ANKS1B: variants seen among roughly 807,000 people sequenced by gnomAD.
ANKS1B encodes the protein ankyrin repeat and sterile alpha motif domain containing 1B, also known as ankyrin repeat and sterile alpha motif domain-containing protein 1B.
ANKS1B carries 36 observed loss-of-function variants against 148.3 expected under a neutral mutation model. That is an observed-to-expected ratio of 0.24 (90% CI 0.19 to 0.32). The LOEUF (loss-of-function observed/expected upper bound fraction) is 0.32, where lower values mean the gene tolerates loss of function less well. ANKS1B is among the 10% of genes least tolerant of loss of function. The pLI, the probability that ANKS1B is intolerant of heterozygous loss-of-function variation, is 1.00. For synonymous variants in ANKS1B, 542 were observed against 560.8 expected, an observed-to-expected ratio of 0.97 and a Z score of 0.47; for missense variants, 1,157 against 1,542.6, an observed-to-expected ratio of 0.75 and a Z score of 4.19.
At chr12:99,100,134 G>T (rs2057509270) in intron 15 of ANKS1B, among the ~76,000 whole-genome samples, 1 of 152,174 alleles carries the variant, frequency 6.6e-6, no homozygotes, top group South Asian at 2.1e-4. Context: ...TTCCAAGTGG[G>T]TAGAAAAGGA....
chr12:99,643,897 T>C (rs2098333720), intron 9 of ANKS1B, among the ~76,000 whole-genome samples: 1 of 152,250 alleles, frequency 6.6e-6, no homozygotes, highest in Admixed American at 6.5e-5. Context: ...AAACAAGTTA[T>C]CTAGCCATGC....
intron 17 of ANKS1B, chr12:98,895,181 G>C: frequency 5.1e-6 from 5 of 985,102 alleles, no homozygotes; most frequent in Non-Finnish European, 6.0e-6. Context: ...CAGGCGCGGC[G>C]CGCGGGGGCT....
chr12:99,163,551 T>G (rs556068111), intron 14 of ANKS1B, among the ~76,000 whole-genome samples: 2 of 151,586 alleles, frequency 1.3e-5, no homozygotes, highest in African/African-American at 4.8e-5. Context: ...GTGGCCATCA[T>G]CACAGTCGAG....
chr12:99,676,064 T>G (rs2098566361), intron 8 of ANKS1B, among the ~76,000 whole-genome samples: 1 of 152,090 alleles, frequency 6.6e-6, no homozygotes, highest in African/African-American at 2.4e-5. Context: ...TCATGCAGTT[T>G]TTTGTGATAG....
intron 8 of ANKS1B, among the ~76,000 whole-genome samples, chr12:99,745,686 C>T (rs1407908577): frequency 6.6e-6 from 1 of 151,846 alleles, no homozygotes; most frequent in Non-Finnish European, 1.5e-5. Flanking sequence ...TTACAATTTA[C>T]AATTTAATTA....
intron 17 of ANKS1B, among the ~76,000 whole-genome samples, chr12:99,042,967 C>T (rs1379097168): frequency 6.6e-6 from 1 of 152,214 alleles, no homozygotes; most frequent in Non-Finnish European, 1.5e-5. Context: ...TAGGAGAAGA[C>T]CTTGTGTTCC....
intron 2 of ANKS1B, among the ~76,000 whole-genome samples, chr12:99,821,428 T>G (rs1358507671): frequency 1.3e-5 from 2 of 151,648 alleles, no homozygotes; most frequent in African/African-American, 4.8e-5. Flanking sequence ...TCTTAATGAT[T>G]GCTATTCAAT....
intron 12 of ANKS1B, among the ~76,000 whole-genome samples, chr12:99,312,871 G>A (rs1484185983): frequency 6.6e-6 from 1 of 152,036 alleles, no homozygotes; most frequent in Non-Finnish European, 1.5e-5. Context: ...AGCTAGAGAA[G>A]CAAGAGTAAA....
At chr12:99,280,928 T>TACAC (rs144380879) in intron 12 of ANKS1B, among the ~76,000 whole-genome samples, 65 of 147,474 alleles carry the variant, frequency 4.4e-4, no homozygotes, top group African/African-American at 1.4e-3. Flanking sequence ...CGTGCGCACA[T>TACAC]ACACACACAC....
chr12:99,463,436 G>A (rs1315951039), intron 10 of ANKS1B, among the ~76,000 whole-genome samples: 2 of 152,144 alleles, frequency 1.3e-5, no homozygotes, highest in South Asian at 2.1e-4. Flanking sequence ...CAGACAGTGG[G>A]TGCAGGACAG....
chr12:99,782,538 G>A (rs1005630454), intron 4 of ANKS1B, among the ~76,000 whole-genome samples: 1 of 152,170 alleles, frequency 6.6e-6, no homozygotes, highest in Admixed American at 6.5e-5. Flanking sequence ...CAACCTGGGT[G>A]ACAGAGTGGG....
At chr12:99,058,882 C>T (rs2041307974) in intron 16 of ANKS1B, among the ~76,000 whole-genome samples, 1 of 150,810 alleles carries the variant, frequency 6.6e-6, no homozygotes, top group Admixed American at 6.6e-5. Flanking sequence ...GGACTACAGG[C>T]GCCCGCTACC....
intron 1 of ANKS1B, among the ~76,000 whole-genome samples, chr12:99,926,881 ATGCTAC>A (rs2094490679): frequency 6.6e-6 from 1 of 152,054 alleles, no homozygotes; most frequent in Admixed American, 6.6e-5. Flanking sequence ...CCATTCCCCC[ATGCTAC>A]TACCTTGTGG....
chr12:99,129,110 G>A (rs1237887257), intron 15 of ANKS1B, among the ~76,000 whole-genome samples: 1 of 152,200 alleles, frequency 6.6e-6, no homozygotes, highest in Non-Finnish European at 1.5e-5. Flanking sequence ...TGAGGGTAAA[G>A]CATGGTGTCC....
At chr12:99,554,198 T>A (rs1280114054) in intron 9 of ANKS1B, among the ~76,000 whole-genome samples, 2 of 152,046 alleles carry the variant, frequency 1.3e-5, no homozygotes, top group East Asian at 3.9e-4. Context: ...ATGGATAACA[T>A]CAAGAAAACT....
rs554284667 is a variant in ANKS1B, at chr12:98,834,399, C to T, written c.2779-2263G>A. The stretch of plus-strand genomic sequence containing the variant: ...GTTTAAAATGTCCTTCCTAAGCACA[C>T]GTGATTTCTAGCTAGCCTTTTAGCT... On this transcript the variant is annotated intron_variant, in intron 17 of 26. Coordinates refer to ENST00000683438, the MANE Select transcript of ANKS1B (RefSeq NM_001352186.2). Among the ~76,000 whole-genome samples the T allele has an allele frequency of 3.9e-5, 6 of 152,302 alleles. No individual in the cohort carries two copies. The East Asian group carries it at 5.8e-4, about 15-fold the overall frequency.
rs1437419447 is a variant in ANKS1B, at chr12:99,246,707, T to A, written c.1914A>T (p.Glu638Asp). Residue 638 changes from glutamate (E) to aspartate (D), a missense_variant, in exon 13 of 27, where the codon GAA becomes GAT. By Grantham distance (45) the Glu-to-Asp change is conservative (BLOSUM62 2). Around this residue, in one of 6 missense-constraint regions of ANKS1B, gnomAD observed 661 missense variants for 642.1 expected, o/e 1.03. Transcript: ENST00000683438. ...GCAAAGGACTGTTTGCCAAACTGAC[T>A]TCATCTTGTCCTTTTTCACATTGTT... The part of the protein sequence containing the change: ...KREQCEKGQD[E>D]VSLANSPLPF... The A allele has an allele frequency of 1.9e-6, 3 of 1,613,968 alleles. No homozygotes were observed. Among genetic ancestry groups the A allele is most frequent in the Non-Finnish European group, 2.5e-6 (3 of 1,179,882 alleles).
intron 9 of ANKS1B, among the ~76,000 whole-genome samples, chr12:99,529,068 A>G (rs540535969): frequency 1.4e-3 from 210 of 152,294 alleles, no homozygotes; most frequent in Non-Finnish European, 2.6e-3. Context: ...AAATTTGCAT[A>G]CCCCAGGTGA....
intron 8 of ANKS1B, among the ~76,000 whole-genome samples, chr12:99,664,536 A>C (rs2153457993): frequency 6.6e-6 from 1 of 152,286 alleles, no homozygotes; most frequent in Admixed American, 6.5e-5. Flanking sequence ...CTGAGGGAAA[A>C]GGAGCAAGAA....
Sources: gnomAD v4.1 joint callset for allele counts (sites outside exome capture counted in the v4.1 genomes callset) on GRCh38, gnomAD v4.1.1 for gene constraint, gnomAD v4.1.1 regional missense constraint, MANE v1.5 for transcripts, NCBI Gene and HGNC (gene_info 2026-07-23, HGNC 2026-07-21) for gene names.